Variants in FMN2 observed in about 807,000 individuals in gnomAD.
FMN2 encodes formin 2, also known as formin-2.
In FMN2, 51 loss-of-function variants were observed where a neutral mutation model predicts 142.3. The observed-to-expected ratio is 0.36, with a 90% CI of 0.29 to 0.45. FMN2 has a LOEUF of 0.45. FMN2 is among the 20% of genes least tolerant of loss of function. The pLI, the probability that FMN2 is intolerant of heterozygous loss-of-function variation, is 1.00. For synonymous variants in FMN2, 882 were observed against 869.8 expected (o/e 1.01, Z -0.25); for missense variants, 1,936 against 2,122.8 (o/e 0.91, Z 1.73).
At chr1:240,330,271 T>A (rs1301672262) in intron 10 of FMN2, among the ~76,000 whole-genome samples, 5 of 152,214 alleles carry the variant, frequency 3.3e-5, no homozygotes, top group Non-Finnish European at 7.3e-5. Flanking sequence ...TAGTTCTCAT[T>A]TGGCCTTATC....
At chr1:240,424,897 G>A (rs939153739) in intron 15 of FMN2, among the ~76,000 whole-genome samples, 1 of 152,158 alleles carries the variant, frequency 6.6e-6, no homozygotes, top group Non-Finnish European at 1.5e-5. Flanking sequence ...TAGGCCCCTT[G>A]TTCAGGAGAC....
intron 16 of FMN2, among the ~76,000 whole-genome samples, chr1:240,469,471 C>T (rs1228147032): frequency 3.9e-5 from 6 of 152,108 alleles, no homozygotes; most frequent in African/African-American, 7.2e-5. Context: ...AGGCATAAAC[C>T]TGAAAACCAG....
intron 2 of FMN2, among the ~76,000 whole-genome samples, chr1:240,147,301 C>T (rs554118336): frequency 6.6e-6 from 1 of 152,142 alleles, no homozygotes; most frequent in Non-Finnish European, 1.5e-5. Context: ...TTCCAACCCA[C>T]GAAGGCTGAC....
chr1:240,396,305 TGTGTGTGTGTGTGTGTGTGTGTG>T (rs1673773705), intron 15 of FMN2, among the ~76,000 whole-genome samples: 3 of 94,456 alleles, frequency 3.2e-5, no homozygotes, highest in Admixed American at 1.8e-4. Context: ...GAGGTTTTCG[TGTGTGTGTGTGTGTGTGTGTGTG>T]TGTGTGTGTG....
intron 3 of FMN2, among the ~76,000 whole-genome samples, chr1:240,185,258 T>C (rs1665387241): frequency 6.6e-6 from 1 of 152,160 alleles, no homozygotes. Flanking sequence ...ATCATGTATT[T>C]TTCTCTTCTC....
intron 6 of FMN2, among the ~76,000 whole-genome samples, chr1:240,211,789 A>T (rs1188118220): frequency 1.3e-5 from 2 of 152,194 alleles, no homozygotes; most frequent in East Asian, 1.9e-4. Flanking sequence ...GACATTTTTG[A>T]GTCATAAAAA....
At chr1:240,302,235 A>G (rs1218997320) in intron 8 of FMN2, among the ~76,000 whole-genome samples, 1 of 152,026 alleles carries the variant, frequency 6.6e-6, no homozygotes, top group Non-Finnish European at 1.5e-5. Flanking sequence ...GTTAACATTG[A>G]TAATTTTTGT....
chr1:240,289,123 A>G (rs2102950641), intron 7 of FMN2, among the ~76,000 whole-genome samples: 1 of 152,260 alleles, frequency 6.6e-6, no homozygotes, highest in East Asian at 1.9e-4. Flanking sequence ...GAGATTTTCT[A>G]GTTTGGGGCA....
At chr1:240,169,743 G>A (rs1185710508) in intron 2 of FMN2, among the ~76,000 whole-genome samples, 1 of 152,064 alleles carries the variant, frequency 6.6e-6, no homozygotes, top group Non-Finnish European at 1.5e-5. Context: ...CTGAAGTGCT[G>A]GAATTATAGG....
intron 6 of FMN2, among the ~76,000 whole-genome samples, chr1:240,236,717 G>A (rs1667725183): frequency 1.3e-5 from 2 of 152,132 alleles, no homozygotes; most frequent in South Asian, 4.1e-4. Context: ...GGAACTAATA[G>A]AGTGATAACT....
chr1:240,461,503 A>T (rs1476058099), intron 16 of FMN2, among the ~76,000 whole-genome samples: 1 of 152,190 alleles, frequency 6.6e-6, no homozygotes, highest in Non-Finnish European at 1.5e-5. Flanking sequence ...ACATTGCATT[A>T]CATCTTTTAA....
At chr1:240,453,271 C>T (rs1424785185) in intron 16 of FMN2, among the ~76,000 whole-genome samples, 1 of 152,052 alleles carries the variant, frequency 6.6e-6, no homozygotes, top group Non-Finnish European at 1.5e-5. Context: ...GAAGCCAAAC[C>T]CCACATAATT....
In FMN2 at chr1:240,231,507, G is replaced by T. The variant is rs185347218; in HGVS notation, c.4065+20272G>T. ...CAGTTTAAAAGCAAATTATACCATC[G>T]GCTAAATTAGAATCATTTATTTAAC... On this transcript the variant is annotated intron_variant, in intron 6 of 17. Coordinates refer to ENST00000319653, the MANE Select transcript of FMN2 (RefSeq NM_020066.5). Among the ~76,000 whole-genome samples, 45 of 152,124 alleles carry T rather than the reference G, an allele frequency of 3.0e-4. 1 individual carries two copies. The highest frequency in any genetic ancestry group is 9.4e-4 in the African/African-American group (39 of 41,488).
chr1:240,474,100 A>C, intron 17 of FMN2, 28 bp from the exon 18 acceptor site: 1 of 1,550,686 alleles, frequency 6.4e-7, no homozygotes. Context: ...TTCTAACTAA[A>C]ACTTTTATCT....
intron 2 of FMN2, among the ~76,000 whole-genome samples, chr1:240,149,075 T>C (rs532045227): frequency 7.2e-5 from 11 of 152,344 alleles, no homozygotes; most frequent in African/African-American, 2.6e-4. Flanking sequence ...TCTTCCTTTA[T>C]ATATTAACAT....
chr1:240,093,098 C>T lies in FMN2; in HGVS notation c.989C>T (p.Pro330Leu), dbSNP rs940251183. The change falls in exon 1 of 18, where the codon CCG (proline) becomes CTG (leucine). Residue 330 changes from proline to leucine, a missense_variant. Around this residue, in one of 8 missense-constraint regions of FMN2, gnomAD observed 751 missense variants for 791.8 expected, o/e 0.95. Coordinates refer to ENST00000319653, the MANE Select transcript of FMN2 (RefSeq NM_020066.5). ...GCTTTCCCATTTCCCGAGGCCGGGCCGGGGGAGGAAGCGGCCGGAGCCCCC... is the reference window on the plus strand; with the variant it reads ...GCTTTCCCATTTCCCGAGGCCGGGCTGGGGGAGGAAGCGGCCGGAGCCCCC... Reference protein sequence around the residue: ...STAFPFPEAGPGEEAAGAPVR... With the variant: ...STAFPFPEAGLGEEAAGAPVR... 4 of 1,396,604 alleles carry T rather than the reference C, an allele frequency of 2.9e-6. No homozygotes were observed. The highest frequency in any genetic ancestry group is 3.1e-5 in the African/African-American group (2 of 65,508). 86.5% of individuals were successfully genotyped at this position (1,396,604 alleles called of 1,614,324 possible).
chr1:240,460,451 G>A (rs1361804746), intron 16 of FMN2, among the ~76,000 whole-genome samples: 2 of 152,056 alleles, frequency 1.3e-5, no homozygotes, highest in East Asian at 3.9e-4. Flanking sequence ...ACTTAGCTGG[G>A]CGTGGTGGCA....
At chr1:240,171,302 G>T in intron 2 of FMN2, 1 of 716,948 alleles carries the variant, frequency 1.4e-6, no homozygotes. Context: ...TAATTCAAAA[G>T]AGAAAACCAG....
chr1:240,305,270 A>C (rs530428246), intron 8 of FMN2, among the ~76,000 whole-genome samples: 11 of 152,248 alleles, frequency 7.2e-5, no homozygotes, highest in Admixed American at 2.6e-4. Flanking sequence ...AACTGTATTT[A>C]ATCATTTCTT....
Sources: allele counts gnomAD v4.1 joint callset (sites outside exome capture counted in the v4.1 genomes callset), GRCh38; gene constraint gnomAD v4.1.1; regional missense constraint gnomAD v4.1.1; transcripts MANE v1.5; gene names NCBI Gene and HGNC (gene_info 2026-07-23, HGNC 2026-07-21).